The following ACSS3 variants were observed in gnomAD, a reference collection of about 807,000 sequenced individuals.
The protein encoded by ACSS3 is acyl-CoA synthetase short chain family member 3.
A neutral mutation model predicts 84.2 loss-of-function variants in ACSS3; 64 were observed. That is an observed-to-expected ratio of 0.76 (90% CI 0.62 to 0.94). The LOEUF (loss-of-function observed/expected upper bound fraction) is 0.94, where lower values mean the gene tolerates loss of function less well. Ranked by LOEUF, ACSS3 falls within the 40% of genes least tolerant of loss-of-function variation. The pLI is 0.00. For synonymous variants in ACSS3, 317 were observed against 310.1 expected (o/e 1.02, Z -0.23); for missense variants, 815 against 867.6 (o/e 0.94, Z 0.76).
chr12:81,193,408 T>A (rs1030468660), intron 8 of ACSS3, among the ~76,000 whole-genome samples: 1 of 152,114 alleles, frequency 6.6e-6, no homozygotes, highest in African/African-American at 2.4e-5. Context: ...TTTTATTCAT[T>A]TCTATTTTGG....
intron 13 of ACSS3, among the ~76,000 whole-genome samples, chr12:81,250,765 C>T (rs1210730488): frequency 6.6e-6 from 1 of 152,090 alleles, no homozygotes; most frequent in African/African-American, 2.4e-5. Flanking sequence ...ACGATTAAAA[C>T]TCTGGTTAGC....
chr12:81,122,287 G>A (rs929506210), intron 2 of ACSS3, among the ~76,000 whole-genome samples: 5 of 151,758 alleles, frequency 3.3e-5, no homozygotes, highest in South Asian at 2.1e-4. Context: ...AAATTCTCAC[G>A]GAGAACTCAT....
At chr12:81,229,438 G>C (rs990953879) in intron 11 of ACSS3, among the ~76,000 whole-genome samples, 5 of 151,670 alleles carry the variant, frequency 3.3e-5, no homozygotes, top group Non-Finnish European at 7.4e-5. Context: ...TTGATTTTTA[G>C]TATTTGTTAT....
intron 5 of ACSS3, 112 bp downstream of exon 5, chr12:81,143,359 T>C: frequency 8.4e-7 from 1 of 1,186,186 alleles, no homozygotes; most frequent in Non-Finnish European, 1.1e-6. Flanking sequence ...TTTAGAGAGT[T>C]ACTTCATTTG....
At chr12:81,145,206 G>T (rs1886283223) in intron 5 of ACSS3, among the ~76,000 whole-genome samples, 1 of 151,196 alleles carries the variant, frequency 6.6e-6, no homozygotes, top group African/African-American at 2.4e-5. Context: ...ATGAGCCACT[G>T]CGCCCGGCCC....
chr12:81,101,038 G>A (rs1882469938), intron 1 of ACSS3, among the ~76,000 whole-genome samples: 1 of 152,160 alleles, frequency 6.6e-6, no homozygotes, highest in South Asian at 2.1e-4. Flanking sequence ...AAGGTTCTGT[G>A]TAGCCAGTTA....
intron 13 of ACSS3, among the ~76,000 whole-genome samples, chr12:81,235,190 A>T (rs1026481765): frequency 6.6e-6 from 1 of 151,398 alleles, no homozygotes; most frequent in African/African-American, 2.4e-5. Context: ...CCCTTTCTCT[A>T]TTGAATTGCC....
At chr12:81,119,183 G>A (rs1482502518) in intron 2 of ACSS3, among the ~76,000 whole-genome samples, 1 of 152,126 alleles carries the variant, frequency 6.6e-6, no homozygotes, top group African/African-American at 2.4e-5. Context: ...CAAAAGGGGA[G>A]GGGGTGCAAG....
intron 7 of ACSS3, among the ~76,000 whole-genome samples, chr12:81,166,604 T>A (rs1009511093): frequency 2.0e-5 from 3 of 152,172 alleles, no homozygotes; most frequent in African/African-American, 7.2e-5. Flanking sequence ...AGGATGAGGA[T>A]CAACAGTGCC....
chr12:81,214,554 G>T (rs1323123065), intron 9 of ACSS3, among the ~76,000 whole-genome samples: 1 of 152,120 alleles, frequency 6.6e-6, no homozygotes, highest in African/African-American at 2.4e-5. Flanking sequence ...GAAGAATAAA[G>T]GTTATAAATA....
rs1203881781 is a variant in ACSS3 at position 81,108,334 on chromosome 12, A to C, written c.312-1226A>C. 4.0e-5 allele frequency among the ~76,000 whole-genome samples: 6 copies of C among 151,656 alleles called. No homozygotes were observed. The South Asian group carries it at 1.3e-3, about 32-fold the overall frequency. ...TGTTCTGTCACCCAGGCTGGAGTGCAGTGGCGTGATCTTGGCTCACTGCAA... is the reference window on the plus strand; with the variant it reads ...TGTTCTGTCACCCAGGCTGGAGTGCCGTGGCGTGATCTTGGCTCACTGCAA... On this transcript the variant is annotated intron_variant, in intron 1 of 15. Transcript: ENST00000548058.
intron 2 of ACSS3, among the ~76,000 whole-genome samples, chr12:81,123,061 G>A (rs1321819005): frequency 9.6e-6 from 1 of 104,568 alleles, no homozygotes; most frequent in African/African-American, 4.1e-5. Flanking sequence ...TGCATTTGCA[G>A]TAAAAAAAAT....
intron 7 of ACSS3, among the ~76,000 whole-genome samples, chr12:81,169,753 G>T (rs2029892002): frequency 6.6e-6 from 1 of 151,878 alleles, no homozygotes; most frequent in Non-Finnish European, 1.5e-5. Context: ...GCTGTCCCAA[G>T]CACTCATCCC....
At chr12:81,213,935 T>TCCTTCCTTTCTTTC (rs1555181666) in intron 9 of ACSS3, among the ~76,000 whole-genome samples, 7 of 101,754 alleles carry the variant, frequency 6.9e-5, no homozygotes, top group South Asian at 3.8e-4. Context: ...CTTCCTTCCT[T>TCCTTCCTTTCTTTC]TCTCTCTCTC....
intron 8 of ACSS3, among the ~76,000 whole-genome samples, chr12:81,178,550 G>A (rs1242625715): frequency 6.6e-6 from 1 of 151,874 alleles, no homozygotes; most frequent in African/African-American, 2.4e-5. Context: ...ATTCACATTA[G>A]CAATGAAAAG....
chr12:81,249,141 T>C (rs1226141180), intron 13 of ACSS3, among the ~76,000 whole-genome samples: 1 of 152,040 alleles, frequency 6.6e-6, no homozygotes, highest in Non-Finnish European at 1.5e-5. Flanking sequence ...GCTAGACATT[T>C]AGGAAACTTT....
intron 8 of ACSS3, among the ~76,000 whole-genome samples, chr12:81,190,743 A>G (rs2031528797): frequency 1.3e-5 from 2 of 151,956 alleles, no homozygotes; most frequent in Non-Finnish European, 2.9e-5. Flanking sequence ...TTTGTTATTA[A>G]TGTATTATTT....
intron 13 of ACSS3, among the ~76,000 whole-genome samples, chr12:81,236,546 C>T (rs1046111199): frequency 1.3e-5 from 2 of 150,610 alleles, no homozygotes; most frequent in Non-Finnish European, 3.0e-5. Context: ...CTACTTAGTT[C>T]ATATGGACAG....
chr12:81,221,132 T>C (rs1404173704), intron 11 of ACSS3, among the ~76,000 whole-genome samples: 1 of 152,060 alleles, frequency 6.6e-6, no homozygotes, highest in African/African-American at 2.4e-5. Flanking sequence ...ACGTGTACTT[T>C]AAAATTTATA....
Sources: gnomAD v4.1 joint callset for allele counts (sites outside exome capture counted in the v4.1 genomes callset) on GRCh38, gnomAD v4.1.1 for gene constraint, MANE v1.5 for transcripts, NCBI Gene and HGNC (gene_info 2026-07-23, HGNC 2026-07-21) for gene names.